HTT: variants seen among roughly 807,000 people sequenced by gnomAD.
HTT encodes the protein huntingtin, also known as huntington disease protein.
Under a neutral mutation model 362.3 loss-of-function variants are expected in HTT, and 104 were observed. That is an observed-to-expected ratio of 0.29 (90% CI 0.24 to 0.34). The LOEUF is 0.34. Among genes scored for constraint, HTT ranks in the 10% least tolerant of loss-of-function variants. The pLI is 1.00. For synonymous variants in HTT, 1,577 were observed against 1,548.7 expected (o/e 1.02, Z -0.43); for missense variants, 3,301 against 3,928.6 (o/e 0.84, Z 4.27).
chr4:3,182,338 G>T lies in HTT; in HGVS notation c.4750-16G>T. Reference sequence around the variant, plus strand: ...TCTCTTGGCAGCAGACTTTCTAATTGTGCACGCTCTTATAGGTGTTGGAGA... The same window carrying T: ...TCTCTTGGCAGCAGACTTTCTAATTTTGCACGCTCTTATAGGTGTTGGAGA... On this transcript the variant is annotated splice_polypyrimidine_tract_variant and intron_variant, in intron 36 of 66. Transcript: ENST00000355072. 1.3e-6 allele frequency: 2 copies of T among 1,553,320 alleles called. No individual in the cohort carries two copies. The highest frequency in any genetic ancestry group is 1.8e-6 in the Non-Finnish European group (2 of 1,125,000).
chr4:3,162,785 G>A (rs901266368), intron 29 of HTT, among the ~76,000 whole-genome samples: 2 of 152,194 alleles, frequency 1.3e-5, no homozygotes, highest in African/African-American at 4.8e-5. Context: ...TGTATCCTGA[G>A]ACTTTGCTGA....
At chr4:3,092,549 A>G (rs1303304060) in intron 2 of HTT, among the ~76,000 whole-genome samples, 1 of 152,100 alleles carries the variant, frequency 6.6e-6, no homozygotes, top group Non-Finnish European at 1.5e-5. Flanking sequence ...ATACCTGGCT[A>G]ATTTTTAAAT....
chr4:3,238,419 A>G, intron 64 of HTT, 28 bp from the exon 65 acceptor site: 1 of 1,572,116 alleles, frequency 6.4e-7, no homozygotes, highest in Non-Finnish European at 8.7e-7. Flanking sequence ...AGCTGGTGCC[A>G]GTCTCTGACC....
rs1261480457 is a variant in HTT, at chr4:3,242,378, C to T, written c.*2319C>T. On this transcript the variant is annotated 3_prime_UTR_variant, in exon 67 of 67. Coordinates refer to ENST00000355072, the MANE Select transcript of HTT (RefSeq NM_001388492.1). ...ATTAGTAAAAATGACTTCACCCACG[C>T]ATATACATAAAGTATCCATGCATGT... 6.6e-6 allele frequency: 1 copy of T among 152,186 alleles called. No homozygotes were observed. The highest frequency in any genetic ancestry group is 1.5e-5 in the Non-Finnish European group (1 of 68,038). The allele number at this position is 152,186 out of a possible 1,614,324, so 9.4% of individuals were successfully genotyped here.
intron 25 of HTT, among the ~76,000 whole-genome samples, chr4:3,147,521 A>T (rs1261932798): frequency 6.6e-6 from 1 of 152,158 alleles, no homozygotes; most frequent in Non-Finnish European, 1.5e-5. Context: ...GGCCTGTGCT[A>T]TTTGCTTCAG....
In HTT at chr4:3,116,376, G is replaced by C. The variant is rs1277549445; in HGVS notation, c.1068+113G>C. ...GAGAGTTAGAGGTGTGGACTCTGGA[G>C]CTGCGCTGCTCGTTTCCAACCCTAG... On this transcript the variant is annotated intron_variant, in intron 8 of 66. Coordinates refer to ENST00000355072, the MANE Select transcript of HTT (RefSeq NM_001388492.1). 4.7e-5 allele frequency: 42 copies of C among 888,624 alleles called. No individual in the cohort carries two copies. The Admixed American group carries it at 1.0e-3, about 22-fold the overall frequency. 55.0% of individuals were successfully genotyped at this position (888,624 alleles called of 1,614,324 possible). A position where few individuals can be genotyped will look rare whatever the true frequency, so the allele number is the denominator to read the frequency against.
intron 21 of HTT, 58 bp from the exon 22 acceptor site, chr4:3,140,452 C>T (rs955946530): frequency 6.6e-7 from 1 of 1,519,894 alleles, no homozygotes; most frequent in African/African-American, 1.4e-5. Context: ...GGAGGGTGGT[C>T]TATCACAGGT....
rs1716043190 is a variant in HTT at position 3,135,926 on chromosome 4, A to G, written c.2656A>G (p.Lys886Glu). The change falls in exon 20 of 67, where the codon AAA (lysine) becomes GAA (glutamate). Residue 886 changes from lysine to glutamate, a missense_variant. Lys to Glu is a moderately conservative substitution (Grantham distance 56). Coordinates refer to ENST00000355072, the MANE Select transcript of HTT (RefSeq NM_001388492.1). ...TAGGCTGGTGAGCTTTTTGGAGGCAAAAGCAGAAAACTTACACAGAGGGGC... is the reference window on the plus strand; with the variant it reads ...TAGGCTGGTGAGCTTTTTGGAGGCAGAAGCAGAAAACTTACACAGAGGGGC... ...DFRLVSFLEAKAENLHRGAHH... is the reference protein window; with the variant it reads ...DFRLVSFLEAEAENLHRGAHH... 8.1e-6 allele frequency: 13 copies of G among 1,603,128 alleles called. No individual in the cohort carries two copies. Among genetic ancestry groups the G allele is most frequent in the Non-Finnish European group, 1.1e-5 (13 of 1,176,668 alleles).
chr4:3,165,369 G>A (rs1207940232), intron 29 of HTT, among the ~76,000 whole-genome samples: 1 of 152,116 alleles, frequency 6.6e-6, no homozygotes, highest in Non-Finnish European at 1.5e-5. Context: ...CAATCTTGGT[G>A]GATCTGATGA....
At chr4:3,138,331 C>T (rs1372448866) in intron 21 of HTT, among the ~76,000 whole-genome samples, 3 of 152,030 alleles carry the variant, frequency 2.0e-5, no homozygotes, top group Non-Finnish European at 4.4e-5. Context: ...GATTTTAGTA[C>T]ACCTGTCACC....
At chr4:3,138,286 A>G in intron 21 of HTT, among the ~76,000 whole-genome samples, 1 of 152,100 alleles carries the variant, frequency 6.6e-6, no homozygotes, top group East Asian at 1.9e-4. Flanking sequence ...GTTTTTGGTT[A>G]CATGGCTGAA....
At position 3,146,790 on chromosome 4, in the gene HTT, C is replaced by T. The variant is rs752388216; in HGVS notation, c.3144-7C>T. On this transcript the variant is annotated splice_region_variant and splice_polypyrimidine_tract_variant and intron_variant, in intron 24 of 66. Coordinates refer to ENST00000355072, the MANE Select transcript of HTT (RefSeq NM_001388492.1). ...TATAATTTGACTTTGCAAATGTCTGCTTCCAGAGTGCCTCCACTGAGTGCC... is the reference window on the plus strand; with the variant it reads ...TATAATTTGACTTTGCAAATGTCTGTTTCCAGAGTGCCTCCACTGAGTGCC... The T allele has an allele frequency of 6.2e-7, 1 of 1,612,978 alleles. No individual in the cohort carries two copies. The highest frequency in any genetic ancestry group is 1.1e-5 in the South Asian group (1 of 91,044).
At chr4:3,121,617 T>C in intron 9 of HTT, 185 bp downstream of exon 9, 1 of 518,430 alleles carries the variant, frequency 1.9e-6, no homozygotes, top group African/African-American at 1.9e-5. Flanking sequence ...GGCTCACGCC[T>C]GTAATTTCAG....
chr4:3,142,305 A>C (rs769403269), intron 22 of HTT, among the ~76,000 whole-genome samples: 3 of 152,206 alleles, frequency 2.0e-5, no homozygotes, highest in Non-Finnish European at 2.9e-5. Flanking sequence ...GGGTATTATA[A>C]TTCATTTATA....
In HTT at chr4:3,225,763, C is replaced by T. The variant is rs767330280; in HGVS notation, c.7848+20C>T. On this transcript the variant is annotated intron_variant, in intron 57 of 66. Coordinates refer to ENST00000355072, the MANE Select transcript of HTT (RefSeq NM_001388492.1). The stretch of plus-strand genomic sequence containing the variant: ...GGCCAGGTCAGTCTCGCGCCCCCGC[C>T]GCCTGGCCTCTGTCCGTTTCTGTCC... 2.6e-5 allele frequency: 42 copies of T among 1,595,592 alleles called. No homozygotes were observed. The highest frequency in any genetic ancestry group is 3.3e-4 in the Middle Eastern group (2 of 6,040).
intron 2 of HTT, among the ~76,000 whole-genome samples, chr4:3,090,287 G>T (rs993119567): frequency 6.6e-6 from 1 of 152,200 alleles, no homozygotes; most frequent in Non-Finnish European, 1.5e-5. Flanking sequence ...TCCTAAGTAT[G>T]GATGAGCATC....
At chr4:3,203,600 C>T (rs1364111985) in intron 41 of HTT, among the ~76,000 whole-genome samples, 1 of 152,208 alleles carries the variant, frequency 6.6e-6, no homozygotes, top group Non-Finnish European at 1.5e-5. Flanking sequence ...GGGAAACGAA[C>T]AGTAAAACAT....
intron 57 of HTT, among the ~76,000 whole-genome samples, chr4:3,226,097 T>C (rs3129324): frequency 1.3e-5 from 2 of 151,542 alleles, no homozygotes; most frequent in Non-Finnish European, 2.9e-5. Flanking sequence ...TCAGCTGAAA[T>C]GCTCAGGAGG....
chr4:3,146,680 C>A (rs1468686910), intron 24 of HTT, 117 bp from the exon 25 acceptor site: 1 of 835,752 alleles, frequency 1.2e-6, no homozygotes, highest in African/African-American at 1.7e-5. Flanking sequence ...AAAACAATTT[C>A]TGAGCTGGTA....
Sources: allele counts gnomAD v4.1 joint callset (sites outside exome capture counted in the v4.1 genomes callset), GRCh38; gene constraint gnomAD v4.1.1; transcripts MANE v1.5; gene names NCBI Gene and HGNC (gene_info 2026-07-23, HGNC 2026-07-21).